Variants in PSMD2 observed in about 807,000 individuals in gnomAD.
PSMD2 encodes the protein proteasome 26S subunit ubiquitin receptor, non-ATPase 2.
PSMD2 carries 8 observed loss-of-function variants against 101.5 expected under a neutral mutation model. That is an observed-to-expected ratio of 0.08 (90% CI 0.05 to 0.14). PSMD2 has a LOEUF of 0.14. Among genes scored for constraint, PSMD2 ranks in the 10% least tolerant of loss-of-function variants. PSMD2 has a pLI of 1.00. For missense variants in PSMD2, 784 were observed against 1,147.4 expected (o/e 0.68, Z 4.58); for synonymous variants, 418 against 433.8 (o/e 0.96, Z 0.45).
chr3:184,306,231 G>A, intron 14 of PSMD2, 76 bp downstream of exon 14: 1 of 1,597,820 alleles, frequency 6.3e-7, no homozygotes, highest in Non-Finnish European at 8.6e-7. Context: ...TTTTCAGGTT[G>A]TTTCTCCTTT....
chr3:184,305,999 C>T, intron 13 of PSMD2, 55 bp from the exon 14 acceptor site: 1 of 1,613,296 alleles, frequency 6.2e-7, no homozygotes, highest in South Asian at 1.1e-5. Context: ...GTTTATGTGT[C>T]AGGCTGTGCT....
chr3:184,301,978 C>T lies in PSMD2; in HGVS notation c.611C>T (p.Ala204Val). 6.2e-7 allele frequency: 1 copy of T among 1,614,220 alleles called. No homozygotes were observed. The highest frequency in any genetic ancestry group is 1.3e-5 in the African/African-American group (1 of 75,064). ...ATGGCCCACAATGCAGAGCATGAGG[C>T]TTGCGACCTGCTTATGGAAATTGAG... is the stretch of plus-strand genomic sequence containing the variant. ...YNMAHNAEHE[A>V]CDLLMEIEQV... The change falls in exon 5 of 21, where the codon GCT becomes GTT. Residue 204 changes from alanine (A) to valine (V), a missense_variant. Physicochemically the swap from Ala to Val is moderately conservative, Grantham distance 64. Transcript: ENST00000310118.
At chr3:184,307,302 T>C in intron 16 of PSMD2, 55 bp from the exon 17 acceptor site, 1 of 1,579,218 alleles carries the variant, frequency 6.3e-7, no homozygotes, top group East Asian at 2.2e-5. Flanking sequence ...ACTCCTGTAA[T>C]GGAATTTGTT....
At chr3:184,299,491 C>T (rs1479881593) in intron 1 of PSMD2, 90 bp downstream of exon 1, 15 of 1,304,944 alleles carry the variant, frequency 1.1e-5, no homozygotes, top group South Asian at 2.2e-5. Context: ...CCAACTACCC[C>T]ACCGCGCCAG....
At chr3:184,301,336 CAAAAA>C (rs112455702) in intron 3 of PSMD2, among the ~76,000 whole-genome samples, 196 bp from the exon 4 acceptor site, 1 of 90,366 alleles carries the variant, frequency 1.1e-5, no homozygotes, top group Admixed American at 1.2e-4. Flanking sequence ...AACTGAGTCT[CAAAAA>C]AAAAAAAAAA....
intron 12 of PSMD2, 139 bp from the exon 13 acceptor site, chr3:184,305,629 A>G (rs1043433291): frequency 1.3e-6 from 1 of 765,770 alleles, no homozygotes; most frequent in South Asian, 1.8e-5. Context: ...AATAATGACT[A>G]CTATTGTTAT....
Position 184,304,135 on chromosome 3 carries a change from C to A in PSMD2, c.1451+61C>A. ...GCCTGTACACTCTGGAGAACAGGAA[C>A]TGGGCCCTTTTCACCCATATTGCCA... On this transcript the variant is annotated intron_variant, in intron 11 of 20. Transcript: ENST00000310118. This position sits in a 1 kb window ranked among gnomAD's most constrained non-coding sequence, Gnocchi z 4.1. The A allele has an allele frequency of 6.2e-7, 1 of 1,603,988 alleles. No homozygotes were observed. The highest frequency in any genetic ancestry group is 8.5e-7 in the Non-Finnish European group (1 of 1,171,716).
rs755678933 is a variant in PSMD2, at chr3:184,301,929, G to C, written c.562G>C (p.Val188Leu). Residue 188 changes from valine to leucine, a missense_variant, in exon 5 of 21, where the codon GTG (valine) becomes CTG (leucine). Val to Leu is a conservative substitution (Grantham distance 32). Transcript: ENST00000310118. Reference sequence around the variant, plus strand: ...CCAGCGGGAGCCTCTGCTCACTCTGGTGAAGGAAATCGTCCCCTATAACAT... The same window carrying C: ...CCAGCGGGAGCCTCTGCTCACTCTGCTGAAGGAAATCGTCCCCTATAACAT... ...KVQREPLLTL[V>L]KEIVPYNMAH... 7 of 1,614,242 alleles carry C rather than the reference G, an allele frequency of 4.3e-6. No homozygotes were observed. The highest frequency in any genetic ancestry group is 5.1e-6 in the Non-Finnish European group (6 of 1,180,044).
Position 184,304,464 on chromosome 3 carries a change from T to C in PSMD2, c.1539+73T>C. On this transcript the variant is annotated intron_variant, in intron 12 of 20. Coordinates refer to ENST00000310118, the MANE Select transcript of PSMD2 (RefSeq NM_002808.5). The surrounding 1 kb of genome is among the most constrained non-coding windows in gnomAD (Gnocchi z 4.1). ...GAGTCTTACTTTCTGTGATAAATAA[T>C]GAAAAAGAAGTAAGTGTGTGCATGT... 6.8e-7 allele frequency: 1 copy of C among 1,476,664 alleles called. No individual in the cohort carries two copies. The highest frequency in any genetic ancestry group is 9.5e-7 in the Non-Finnish European group (1 of 1,056,266). The allele number at this position is 1,476,664 out of a possible 1,614,324, so 91.5% of individuals were successfully genotyped here.
In PSMD2 at chr3:184,303,040, C is replaced by T. The variant is rs542554732; in HGVS notation, c.1047C>T (p.Tyr349=). The T allele has an allele frequency of 5.6e-6, 9 of 1,614,108 alleles. No homozygotes were observed. In the East Asian group the frequency reaches 6.7e-5, roughly 12 times the overall value. The change falls in exon 8 of 21, where the codon TAC becomes TAT. Residue 349 remains tyrosine, a synonymous_variant. Coordinates refer to ENST00000310118, the MANE Select transcript of PSMD2 (RefSeq NM_002808.5). ...IMEPKVPDDI[Y]KTHLENNRFG... is the part of the protein sequence containing the mutation. Reference sequence around the variant, plus strand: ...AGCCCAAGGTGCCTGATGACATCTACAAAACCCACCTAGAGAACAACAGTG... The same window carrying T: ...AGCCCAAGGTGCCTGATGACATCTATAAAACCCACCTAGAGAACAACAGTG...
chr3:184,303,010 C>T lies in PSMD2; in HGVS notation c.1017C>T (p.Ile339=), dbSNP rs1272123158. 1.2e-6 allele frequency: 2 copies of T among 1,614,070 alleles called. No individual in the cohort carries two copies. The highest frequency in any genetic ancestry group is 1.7e-6 in the Non-Finnish European group (2 of 1,180,022). ...NFLALARELD[I]MEPKVPDDIY... is the part of the protein sequence containing the mutation. ...CTCTGACTTCTCTTCAGCTGGACATCATGGAGCCCAAGGTGCCTGATGACA... is the reference window on the plus strand; with the variant it reads ...CTCTGACTTCTCTTCAGCTGGACATTATGGAGCCCAAGGTGCCTGATGACA... The change falls in exon 8 of 21, where the codon ATC becomes ATT. Residue 339 remains isoleucine (I), a synonymous_variant. Transcript: ENST00000310118.
chr3:184,299,483 A>G, intron 1 of PSMD2, 82 bp downstream of exon 1: 2 of 1,306,908 alleles, frequency 1.5e-6, no homozygotes, highest in East Asian at 3.0e-5. Flanking sequence ...CCCGACACCC[A>G]ACTACCCCAC....
chr3:184,307,252 T>C (rs1721863285), intron 16 of PSMD2, 105 bp from the exon 17 acceptor site: 2 of 1,323,042 alleles, frequency 1.5e-6, no homozygotes, highest in Non-Finnish European at 2.1e-6. Flanking sequence ...CTGCTGTGCC[T>C]TTTCTACAGA....
Position 184,305,837 on chromosome 3 carries a change from A to G in PSMD2, c.1609A>G (p.Thr537Ala). 6.2e-7 allele frequency: 1 copy of G among 1,614,202 alleles called. No homozygotes were observed. The highest frequency in any genetic ancestry group is 8.5e-7 in the Non-Finnish European group (1 of 1,180,036). Residue 537 changes from threonine (T) to alanine (A), a missense_variant, in exon 13 of 21, where the codon ACT becomes GCT. This residue lies in a region of PSMD2 where 282 missense variants were observed against 437.6 expected (regional missense o/e 0.64). Coordinates refer to ENST00000310118, the MANE Select transcript of PSMD2 (RefSeq NM_002808.5). ...GTCCTGCAATGGAGATGTAACTTCC[A>G]CTATCCTTCAGACCATCATGGAGAA... is the stretch of plus-strand genomic sequence containing the variant. ...VGSCNGDVTS[T>A]ILQTIMEKSE...
chr3:184,305,765 T>C lies in PSMD2; in HGVS notation c.1540-3T>C. 1 of 1,612,854 alleles carries C rather than the reference T, an allele frequency of 6.2e-7. No homozygotes were observed. Among genetic ancestry groups the C allele is most frequent in the East Asian group, 2.2e-5 (1 of 44,882 alleles). On this transcript the variant is annotated splice_region_variant and splice_polypyrimidine_tract_variant and intron_variant, in intron 12 of 20. Coordinates refer to ENST00000310118, the MANE Select transcript of PSMD2 (RefSeq NM_002808.5). ...TGTGTAATACTGATTTTCCTACCTC[T>C]AGGTGGCAGGTGTCACAGCTTTAGC...
Position 184,299,404 on chromosome 3 carries a change from G to A in PSMD2, c.135+3G>A. 7.3e-7 allele frequency: 1 copy of A among 1,362,814 alleles called. No homozygotes were observed. The highest frequency in any genetic ancestry group is 9.5e-7 in the Non-Finnish European group (1 of 1,057,944). 84.4% of individuals were successfully genotyped at this position (1,362,814 alleles called of 1,614,324 possible). On this transcript the variant is annotated splice_donor_region_variant and intron_variant, in intron 1 of 20. Coordinates refer to ENST00000310118, the MANE Select transcript of PSMD2 (RefSeq NM_002808.5). ...ACAAGGACAAAGAACAGGAGCTGGTGAGGCGCGACCCCGAGAGTCGGCGAA... is the reference window on the plus strand; with the variant it reads ...ACAAGGACAAAGAACAGGAGCTGGTAAGGCGCGACCCCGAGAGTCGGCGAA...
At chr3:184,303,806 A>G (rs1051591076) in intron 10 of PSMD2, 57 bp downstream of exon 10, 30 of 1,602,964 alleles carry the variant, frequency 1.9e-5, no homozygotes, top group Non-Finnish European at 2.4e-5. Context: ...TCTAGTGCCT[A>G]GCAGTGCCTC....
chr3:184,306,239 T>A, intron 14 of PSMD2, 84 bp downstream of exon 14: 1 of 1,596,682 alleles, frequency 6.3e-7, no homozygotes, highest in Non-Finnish European at 8.6e-7. Context: ...TTGTTTCTCC[T>A]TTCTCCTTCA....
chr3:184,300,040 A>G, intron 2 of PSMD2, 133 bp downstream of exon 2: 1 of 927,500 alleles, frequency 1.1e-6, no homozygotes, highest in Admixed American at 1.9e-5. Context: ...GGGAGGCAGG[A>G]GAGTTACAAA....
Sources: allele counts gnomAD v4.1 joint callset (sites outside exome capture counted in the v4.1 genomes callset), GRCh38; gene constraint gnomAD v4.1.1; regional missense constraint gnomAD v4.1.1; non-coding constraint Gnocchi (gnomAD v3.1); transcripts MANE v1.5; gene names NCBI Gene and HGNC (gene_info 2026-07-23, HGNC 2026-07-21).